Variants in PARD3 observed in about 807,000 individuals in gnomAD.
PARD3 encodes the protein partitioning defective 3 homolog.
Under a neutral mutation model 155.4 loss-of-function variants are expected in PARD3, and 75 were observed. The ratio of observed to expected loss-of-function variants is 0.48; its 90% confidence interval spans 0.40 to 0.58. The LOEUF is 0.58. PARD3 is among the 20% of genes least tolerant of loss of function. PARD3 has a pLI of 0.00. For synonymous variants in PARD3, 576 were observed against 610.5 expected (o/e 0.94, Z 0.83); for missense variants, 1,642 against 1,721.7 (o/e 0.95, Z 0.82).
chr10:34,597,355 T>C (rs1222936310), intron 2 of PARD3, among the ~76,000 whole-genome samples: 1 of 151,706 alleles, frequency 6.6e-6, no homozygotes, highest in African/African-American at 2.4e-5. Context: ...TATTTTTGGC[T>C]TTCAATCATC....
intron 2 of PARD3, among the ~76,000 whole-genome samples, chr10:34,640,728 A>AAAAAAAAAAAAAAAAAAAAAAC (rs2092649533): frequency 6.8e-6 from 1 of 146,822 alleles, no homozygotes; most frequent in African/African-American, 2.5e-5. Context: ...AAAAAAAAAA[A>AAAAAAAAAAAAAAAAAAAAAAC]AAAAAAAAGC....
intron 14 of PARD3, among the ~76,000 whole-genome samples, chr10:34,348,383 T>C (rs1420485407): frequency 6.6e-6 from 1 of 152,230 alleles, no homozygotes; most frequent in Non-Finnish European, 1.5e-5. Flanking sequence ...TTTTTTAAAA[T>C]CAGAGCTTGT....
At chr10:34,566,903 T>C (rs870249) in intron 2 of PARD3, among the ~76,000 whole-genome samples, 116 of 152,348 alleles carry the variant, frequency 7.6e-4, no homozygotes, top group Non-Finnish European at 1.5e-3. Flanking sequence ...TTGAATGTAC[T>C]ATTTTAAAGA....
At chr10:34,366,803 G>T (rs1030130710) in intron 12 of PARD3, among the ~76,000 whole-genome samples, 2 of 151,870 alleles carry the variant, frequency 1.3e-5, no homozygotes, top group African/African-American at 2.4e-5. Context: ...CTTAATAAAA[G>T]AATAACCCTC....
intron 7 of PARD3, among the ~76,000 whole-genome samples, chr10:34,389,709 T>C (rs1204268197): frequency 6.6e-6 from 1 of 152,098 alleles, no homozygotes; most frequent in Non-Finnish European, 1.5e-5. Flanking sequence ...CTCAGCTCCC[T>C]GAGTACAGCC....
chr10:34,783,927 G>C (rs1335652989), intron 1 of PARD3, among the ~76,000 whole-genome samples: 2 of 152,070 alleles, frequency 1.3e-5, no homozygotes, highest in African/African-American at 4.8e-5. Flanking sequence ...CAGTATTCTA[G>C]GCCAGGTACA....
chr10:34,521,304 A>G (rs2133690152), intron 2 of PARD3, among the ~76,000 whole-genome samples: 1 of 151,552 alleles, frequency 6.6e-6, no homozygotes, highest in South Asian at 2.1e-4. Flanking sequence ...TTTGTGTTAA[A>G]CTGGGAAAGA....
chr10:34,685,889 C>T (rs1404497371), intron 2 of PARD3, among the ~76,000 whole-genome samples: 1 of 152,086 alleles, frequency 6.6e-6, no homozygotes, highest in Non-Finnish European at 1.5e-5. Context: ...CCACCATGCC[C>T]GGCCTTTCTG....
intron 1 of PARD3, among the ~76,000 whole-genome samples, chr10:34,718,655 C>T (rs992847568): frequency 2.7e-5 from 4 of 150,426 alleles, no homozygotes; most frequent in Admixed American, 6.7e-5. Flanking sequence ...CAAGACTCTA[C>T]TCTATCTCAA....
In PARD3 at chr10:34,181,181, A is replaced by T. The variant is rs184457131; in HGVS notation, c.3420-49598T>A. Among the ~76,000 whole-genome samples, 14 of 152,258 alleles carry T rather than the reference A, an allele frequency of 9.2e-5. No homozygotes were observed. The East Asian group carries it at 1.7e-3, about 19-fold the overall frequency. ...TGGCTTACACCTGTATCTTTTAAGG[A>T]GAATATTCTGTAGTGGATTTTCTTT... is the stretch of plus-strand genomic sequence containing the variant. On this transcript the variant is annotated intron_variant, in intron 22 of 24. Transcript: ENST00000374788.
At chr10:34,648,129 T>C (rs1029093695) in intron 2 of PARD3, among the ~76,000 whole-genome samples, 7 of 152,230 alleles carry the variant, frequency 4.6e-5, no homozygotes, top group African/African-American at 1.7e-4. Context: ...CTGCATTTGA[T>C]TTATACAAAC....
chr10:34,257,244 GACTCC>G (rs921727257), intron 22 of PARD3, among the ~76,000 whole-genome samples: 14 of 152,174 alleles, frequency 9.2e-5, no homozygotes, highest in Admixed American at 9.2e-4. Context: ...CTCACAATGG[GACTCC>G]ACATAAATCC....
At chr10:34,352,874 A>G (rs1408115961) in intron 14 of PARD3, among the ~76,000 whole-genome samples, 1 of 147,832 alleles carries the variant, frequency 6.8e-6, no homozygotes, top group African/African-American at 2.5e-5. Flanking sequence ...GCCTCTTCCC[A>G]GCCGCCATCC....
At chr10:34,585,578 A>G (rs2087945463) in intron 2 of PARD3, among the ~76,000 whole-genome samples, 2 of 143,316 alleles carry the variant, frequency 1.4e-5, no homozygotes, top group African/African-American at 5.2e-5. Context: ...CTGGAAATCT[A>G]CAGATAGTAC....
In PARD3 at chr10:34,301,581, G is replaced by A. The variant is rs532867522; in HGVS notation, c.3065+15526C>T. On this transcript the variant is annotated intron_variant, in intron 20 of 24. Transcript: ENST00000374788. ...ACCATCTGTTCACTCACACTGCCAT[G>A]GTTGCAAGCACCACCTGACATGTCT... Among the ~76,000 whole-genome samples the A allele has an allele frequency of 9.2e-5, 14 of 152,170 alleles. No individual in the cohort carries two copies. In the South Asian group the frequency reaches 2.9e-3, roughly 32 times the overall value.
intron 3 of PARD3, among the ~76,000 whole-genome samples, chr10:34,478,828 T>C (rs185192798): frequency 6.6e-6 from 1 of 152,182 alleles, no homozygotes; most frequent in Non-Finnish European, 1.5e-5. Flanking sequence ...CAGGCGTGAA[T>C]ATATGCAATT....
intron 1 of PARD3, among the ~76,000 whole-genome samples, chr10:34,767,684 C>A (rs59048385): frequency 6.6e-6 from 1 of 151,830 alleles, no homozygotes; most frequent in Admixed American, 6.6e-5. Context: ...CTGCAGCCTC[C>A]GCCTCCTGGG....
At chr10:34,519,202 G>C (rs1050885421) in intron 2 of PARD3, among the ~76,000 whole-genome samples, 1 of 152,138 alleles carries the variant, frequency 6.6e-6, no homozygotes, top group Non-Finnish European at 1.5e-5. Flanking sequence ...CATGGAGTGG[G>C]AGGATAGAAA....
chr10:34,140,362 T>C (rs1948121911), intron 22 of PARD3, among the ~76,000 whole-genome samples: 1 of 152,196 alleles, frequency 6.6e-6, no homozygotes, highest in Non-Finnish European at 1.5e-5. Flanking sequence ...TGTCACCCCC[T>C]GTGAAAGCGT....
Sources: allele counts gnomAD v4.1 joint callset (sites outside exome capture counted in the v4.1 genomes callset), GRCh38; gene constraint gnomAD v4.1.1; transcripts MANE v1.5; gene names NCBI Gene and HGNC (gene_info 2026-07-23, HGNC 2026-07-21).